MGAT4C: variants seen among roughly 807,000 people sequenced by gnomAD.
MGAT4C encodes the protein MGAT4 family member C, also known as alpha-1,3-mannosyl-glycoprotein 4-beta-N-acetylglucosaminyltransferase C.
In MGAT4C, 19 loss-of-function variants were observed where a neutral mutation model predicts 40.1. The observed-to-expected ratio is 0.47, with a 90% CI of 0.33 to 0.70. The LOEUF is 0.70. Ranked by LOEUF, MGAT4C falls within the 30% of genes least tolerant of loss-of-function variation. The pLI is 0.02. For missense variants in MGAT4C, 491 were observed against 563.2 expected (o/e 0.87, Z 1.30); for synonymous variants, 181 against 187.1 (o/e 0.97, Z 0.27).
At chr12:86,771,484 C>G (rs958083671) in intron 1 of MGAT4C, among the ~76,000 whole-genome samples, 5 of 151,064 alleles carry the variant, frequency 3.3e-5, no homozygotes, top group Admixed American at 1.3e-4. Flanking sequence ...CTGGTAAGGA[C>G]TCAGAAAAAA....
intron 2 of MGAT4C, among the ~76,000 whole-genome samples, chr12:86,659,514 G>A (rs1219239240): frequency 3.9e-5 from 6 of 152,138 alleles, no homozygotes; most frequent in Non-Finnish European, 7.4e-5. Flanking sequence ...TAAGTAATTC[G>A]AACAGGGCAA....
At position 85,979,703 on chromosome 12, in the gene MGAT4C, G is replaced by C. The variant is rs755227553; in HGVS notation, c.1023C>G (p.Pro341=). ...EEESFDIPDN[P]PASLYTNMNV... Reference sequence around the variant, plus strand: ...TCATGTTGGTGTACAGACTTGCAGGGGGGTTATCAGGAATGTCAAATGACT... The same window carrying C: ...TCATGTTGGTGTACAGACTTGCAGGCGGGTTATCAGGAATGTCAAATGACT... The change falls in exon 5 of 5, where the codon CCC becomes CCG. Residue 341 remains proline, a synonymous_variant. Coordinates refer to ENST00000611864, the MANE Select transcript of MGAT4C (RefSeq NM_001351288.2). The C allele has an allele frequency of 1.2e-5, 20 of 1,613,274 alleles. No homozygotes were observed. The highest frequency in any genetic ancestry group is 1.7e-5 in the Non-Finnish European group (20 of 1,179,750).
chr12:86,525,442 A>G (rs1225592982), intron 2 of MGAT4C, among the ~76,000 whole-genome samples: 2 of 152,178 alleles, frequency 1.3e-5, no homozygotes, highest in Non-Finnish European at 2.9e-5. Context: ...ATGGACTACT[A>G]CAAGCTATCT....
At chr12:86,758,903 C>A (rs1462243273) in intron 1 of MGAT4C, among the ~76,000 whole-genome samples, 1 of 151,748 alleles carries the variant, frequency 6.6e-6, no homozygotes, top group Non-Finnish European at 1.5e-5. Flanking sequence ...ATATTAAAAA[C>A]CTCTCTTCTG....
At chr12:86,184,755 A>C (rs547334939) in intron 1 of MGAT4C, among the ~76,000 whole-genome samples, 9,712 of 149,808 alleles carry the variant, frequency 0.065, 462 homozygotes, top group Middle Eastern at 0.21. Context: ...AAAAAAAAAA[A>C]AAAAAAAAAC....
intron 2 of MGAT4C, among the ~76,000 whole-genome samples, chr12:86,721,257 C>A (rs1950731515): frequency 6.6e-6 from 1 of 152,096 alleles, no homozygotes; most frequent in African/African-American, 2.4e-5. Flanking sequence ...AAAAAAGAAT[C>A]TTGTCAAAAA....
intron 2 of MGAT4C, among the ~76,000 whole-genome samples, chr12:86,637,571 C>T (rs1053032005): frequency 2.0e-5 from 3 of 151,864 alleles, no homozygotes; most frequent in Non-Finnish European, 4.4e-5. Context: ...TGTTCCAGTG[C>T]TTCTCTTTGA....
Position 86,777,236 on chromosome 12 carries a change from G to C in MGAT4C, c.-261-49995C>G, listed in dbSNP as rs140081737. ...TGAAGTATATATTCATTGTGGAATG[G>C]CTATTAAATCCAAATACAAGCTTAA... On this transcript the variant is annotated intron_variant, in intron 1 of 7. Coordinates refer to the MGAT4C transcript ENST00000548651. Among the ~76,000 whole-genome samples the C allele has an allele frequency of 3.5e-3, 534 of 152,052 alleles. 3 individuals are homozygous for C. The highest frequency in any genetic ancestry group is 0.012 in the African/African-American group (515 of 41,468).
At chr12:86,279,748 T>A (rs1953167696) in intron 4 of MGAT4C, among the ~76,000 whole-genome samples, 1 of 152,010 alleles carries the variant, frequency 6.6e-6, no homozygotes, top group Non-Finnish European at 1.5e-5. Flanking sequence ...TTGAAGATTT[T>A]CTACTTTTTA....
chr12:86,747,047 A>G (rs1322985263), intron 1 of MGAT4C, among the ~76,000 whole-genome samples: 1 of 151,556 alleles, frequency 6.6e-6, no homozygotes, highest in Non-Finnish European at 1.5e-5. Context: ...GGTGGCACTA[A>G]ACTTGGAACC....
chr12:86,083,441 C>T lies in MGAT4C; in HGVS notation c.-56-33718G>A, dbSNP rs114527625. Among the ~76,000 whole-genome samples the T allele has an allele frequency of 6.1e-3, 924 of 152,010 alleles. 9 individuals carry two copies. The highest frequency in any genetic ancestry group is 0.021 in the African/African-American group (869 of 41,490). On this transcript the variant is annotated intron_variant, in intron 1 of 4. Transcript: ENST00000611864. Reference sequence around the variant, plus strand: ...TAAGATTCAGTTTTATAGTACTGTCCGCAGGGTTCTGTATGATCTGTCTGC... The same window carrying T: ...TAAGATTCAGTTTTATAGTACTGTCTGCAGGGTTCTGTATGATCTGTCTGC...
chr12:86,373,554 G>T (rs1019415268), intron 3 of MGAT4C, among the ~76,000 whole-genome samples: 8 of 151,804 alleles, frequency 5.3e-5, no homozygotes, highest in Non-Finnish European at 1.0e-4. Flanking sequence ...CAGTATCCCA[G>T]AGCAGATTAA....
At chr12:86,200,036 A>G (rs1443455879) in intron 1 of MGAT4C, among the ~76,000 whole-genome samples, 1 of 151,414 alleles carries the variant, frequency 6.6e-6, no homozygotes, top group Non-Finnish European at 1.5e-5. Context: ...GCTCTTCTCT[A>G]CTCAAGCCCT....
intron 2 of MGAT4C, among the ~76,000 whole-genome samples, chr12:86,005,069 T>TA (rs1293414203): frequency 2.0e-5 from 3 of 152,202 alleles, no homozygotes; most frequent in African/African-American, 7.2e-5. Flanking sequence ...CACACCTCGT[T>TA]ACCCTCTGCC....
Position 85,960,510 on chromosome 12 carries a change from G to A in MGAT4C, c.*18779C>T, listed in dbSNP as rs1227960263. Reference sequence around the variant, plus strand: ...ACAATTAGCATGTGACATGCTCTCAGCAAATCAATTAATCCTTCATTCTTT... The same window carrying A: ...ACAATTAGCATGTGACATGCTCTCAACAAATCAATTAATCCTTCATTCTTT... On this transcript the variant is annotated 3_prime_UTR_variant, in exon 5 of 5. Coordinates refer to ENST00000611864, the MANE Select transcript of MGAT4C (RefSeq NM_001351288.2). The A allele has an allele frequency of 6.6e-6, 1 of 151,988 alleles. No individual in the cohort carries two copies. The highest frequency in any genetic ancestry group is 1.5e-5 in the Non-Finnish European group (1 of 67,908). 9.4% of individuals were successfully genotyped at this position (151,988 alleles called of 1,614,324 possible). A position where few individuals can be genotyped will look rare whatever the true frequency, so the allele number is the denominator to read the frequency against.
chr12:86,723,050 G>C (rs1368246092), intron 2 of MGAT4C, among the ~76,000 whole-genome samples: 1 of 152,140 alleles, frequency 6.6e-6, no homozygotes, highest in Admixed American at 6.6e-5. Context: ...GTTCAAATCT[G>C]TACAACTATT....
chr12:86,773,829 A>G (rs779114418), intron 1 of MGAT4C, among the ~76,000 whole-genome samples: 2 of 151,976 alleles, frequency 1.3e-5, no homozygotes, highest in Non-Finnish European at 2.9e-5. Flanking sequence ...TATATTATGT[A>G]AAGCTTCCAC....
intron 1 of MGAT4C, among the ~76,000 whole-genome samples, chr12:86,753,172 A>T (rs1040261004): frequency 6.6e-6 from 1 of 152,134 alleles, no homozygotes; most frequent in Admixed American, 6.6e-5. Flanking sequence ...CTCTCCAGCA[A>T]GGTAACATGT....
chr12:86,140,549 C>A (rs1047895494), intron 1 of MGAT4C, among the ~76,000 whole-genome samples: 1 of 151,966 alleles, frequency 6.6e-6, no homozygotes, highest in Non-Finnish European at 1.5e-5. Context: ...AGGAGAAATA[C>A]CTAATGTAGA....
Sources: allele counts gnomAD v4.1 joint callset (sites outside exome capture counted in the v4.1 genomes callset), GRCh38; gene constraint gnomAD v4.1.1; transcripts MANE v1.5; gene names NCBI Gene and HGNC (gene_info 2026-07-23, HGNC 2026-07-21).